Variants in INHBA observed in about 807,000 individuals in gnomAD.
INHBA encodes the protein inhibin beta A chain.
In INHBA, 1 loss-of-function variant was observed where a neutral mutation model predicts 29.0. That is an observed-to-expected ratio of 0.03 (90% CI 0.01 to 0.16). The LOEUF (loss-of-function observed/expected upper bound fraction) is 0.16. INHBA is among the 10% of genes least tolerant of loss of function. The pLI is 1.00. For missense variants in INHBA, 376 were observed against 545.4 expected (o/e 0.69, Z 3.09); for synonymous variants, 242 against 216.8 (o/e 1.12, Z -1.02).
chr7:41,689,586 T>C lies in INHBA; in HGVS notation c.*64A>G. 7.9e-7 allele frequency: 1 copy of C among 1,264,570 alleles called. No individual in the cohort carries two copies. The highest frequency in any genetic ancestry group is 1.0e-6 in the Non-Finnish European group (1 of 971,302). 78.3% of individuals were successfully genotyped at this position (1,264,570 alleles called of 1,614,324 possible). On this transcript the variant is annotated 3_prime_UTR_variant, in exon 3 of 3. Transcript: ENST00000242208. ...GGTTAACTCAGAAACCTTAAAAATT[T>C]CTTCATTTTGCCACTGTCTTCTCTG...
upstream of INHBA, among the ~76,000 whole-genome samples, chr7:41,704,417 T>TTCTATA (rs1349566329): frequency 5.3e-4 from 81 of 152,086 alleles, no homozygotes; most frequent in Non-Finnish European, 9.1e-4. Flanking sequence ...GAAATAGGAT[T>TTCTATA]AATGATGGTG....
Position 41,700,121 on chromosome 7 carries a change from T to C in INHBA, c.254A>G (p.Asn85Ser), listed in dbSNP as rs779371975. ...TQPVPKAALL[N>S]AIRKLHVGKV... ...GCCCACATGAAGCTTTCTGATCGCG[T>C]TCAGAAGCGCCGCCTTGGGTACCGG... is the stretch of plus-strand genomic sequence containing the variant. Residue 85 changes from asparagine (N) to serine (S), a missense_variant, in exon 2 of 3, where the codon AAC becomes AGC. Physicochemically the swap from Asn to Ser is conservative, Grantham distance 46. Transcript: ENST00000242208. 4 of 1,614,072 alleles carry C rather than the reference T, an allele frequency of 2.5e-6. No homozygotes were observed. In the East Asian group the frequency reaches 8.9e-5, roughly 36 times the overall value.
At chr7:41,702,327 C>T (rs1266595267) in intron 1 of INHBA, among the ~76,000 whole-genome samples, 1 of 152,158 alleles carries the variant, frequency 6.6e-6, no homozygotes, top group African/African-American at 2.4e-5. Flanking sequence ...TTTTCCAAAA[C>T]AACTATTTGT....
chr7:41,690,127 T>C lies in INHBA; in HGVS notation c.804A>G (p.Glu268=), dbSNP rs773029076. 4 of 1,613,438 alleles carry C rather than the reference T, an allele frequency of 2.5e-6. No homozygotes were observed. In the East Asian group the frequency reaches 8.9e-5, roughly 36 times the overall value. Reference sequence around the variant, plus strand: ...CTTCACCTCCGCCCTTCTTTTTCCCTTCCCCCTCCTCTTCTTTCTTCTTCT... The same window carrying C: ...CTTCACCTCCGCCCTTCTTTTTCCCCTCCCCCTCCTCTTCTTTCTTCTTCT... ...GKKKKKEEEG[E]GKKKGGGEGG... The change falls in exon 3 of 3, where the codon GAA becomes GAG. Residue 268 remains glutamate (E), a synonymous_variant. Coordinates refer to ENST00000242208, the MANE Select transcript of INHBA (RefSeq NM_002192.4).
rs1355321996 is a variant in INHBA, at chr7:41,685,489, A to G, written c.*4161T>C. The G allele has an allele frequency of 6.6e-6, 1 of 152,138 alleles. No homozygotes were observed. The highest frequency in any genetic ancestry group is 1.9e-4 in the East Asian group (1 of 5,196). 9.4% of individuals were successfully genotyped at this position (152,138 alleles called of 1,614,324 possible). ...AACAAAACAAAAAACAAAGTAAAAA[A>G]CCAACAAAATAGAAACAAACAAACA... On this transcript the variant is annotated 3_prime_UTR_variant, in exon 3 of 3. Transcript: ENST00000242208.
Position 41,687,850 on chromosome 7 carries a change from T to C in INHBA, c.*1800A>G, listed in dbSNP as rs1387100641. The C allele has an allele frequency of 6.6e-6, 1 of 152,228 alleles. No homozygotes were observed. The highest frequency in any genetic ancestry group is 2.4e-5 in the African/African-American group (1 of 41,466). 9.4% of individuals were successfully genotyped at this position (152,228 alleles called of 1,614,324 possible). On this transcript the variant is annotated 3_prime_UTR_variant, in exon 3 of 3. Coordinates refer to ENST00000242208, the MANE Select transcript of INHBA (RefSeq NM_002192.4). ...TAAATATTATTTTTCTGAAAAAGCT[T>C]CTGATTTAAGATTGATTCCAATAGA...
At chr7:41,699,354 T>A (rs1207371596) in intron 2 of INHBA, among the ~76,000 whole-genome samples, 1 of 152,172 alleles carries the variant, frequency 6.6e-6, no homozygotes, top group Non-Finnish European at 1.5e-5. Flanking sequence ...CAATGACAAC[T>A]GTCCCCCAAA....
Position 41,700,299 on chromosome 7 carries a change from A to T in INHBA, c.76T>A (p.Ser26Thr). The T allele has an allele frequency of 6.3e-7, 1 of 1,579,582 alleles. No individual in the cohort carries two copies. The highest frequency in any genetic ancestry group is 8.6e-7 in the Non-Finnish European group (1 of 1,161,042). ...TCGGGGGCCGCGCTGTGCCCCTCGG[A>T]TCCTGGGGTGGGGGAACTCCTCACT... ...IIVRSSPTPG[S>T]EGHSAAPDCP... Residue 26 changes from serine (S) to threonine (T), a missense_variant, in exon 2 of 3, where the codon TCC becomes ACC. Physicochemically the swap from Ser to Thr is moderately conservative, Grantham distance 58. Around this residue, in one of 4 missense-constraint regions of INHBA, gnomAD observed 71 missense variants for 77.0 expected, o/e 0.92. Coordinates refer to ENST00000242208, the MANE Select transcript of INHBA (RefSeq NM_002192.4).
chr7:41,703,461 G>A (rs1794840992), upstream of INHBA, among the ~76,000 whole-genome samples: 1 of 152,080 alleles, frequency 6.6e-6, no homozygotes, highest in Non-Finnish European at 1.5e-5. Context: ...GTTACTTCAT[G>A]AAGTTGCTTC....
chr7:41,695,752 C>T (rs902788329), intron 2 of INHBA, among the ~76,000 whole-genome samples: 3 of 152,150 alleles, frequency 2.0e-5, no homozygotes, highest in African/African-American at 4.8e-5. Context: ...GTTTAACCCA[C>T]AAAATTTCAG....
chr7:41,689,758 A>G lies in INHBA; in HGVS notation c.1173T>C (p.Cys391=), dbSNP rs1459468970. Residue 391 remains cysteine, a synonymous_variant, in exon 3 of 3, where the codon TGT becomes TGC. Transcript: ENST00000242208. ...ACATGGGTCTCAGCTTGGTGGGCAC[A>G]CAGCACGATTTGAGGTTGGCAAAGG... is the stretch of plus-strand genomic sequence containing the variant. The part of the protein sequence containing the change: ...HSPFANLKSC[C]VPTKLRPMSM... 1.2e-6 allele frequency: 2 copies of G among 1,614,056 alleles called. No individual in the cohort carries two copies. Among genetic ancestry groups the G allele is most frequent in the East Asian group, 2.2e-5 (1 of 44,846 alleles).
At chr7:41,701,266 GGCCAC>G (rs1242356918) in intron 1 of INHBA, among the ~76,000 whole-genome samples, 1 of 152,046 alleles carries the variant, frequency 6.6e-6, no homozygotes, top group Non-Finnish European at 1.5e-5. Flanking sequence ...ACGCCCACCT[GGCCAC>G]GTGGTGGGGC....
intron 1 of INHBA, among the ~76,000 whole-genome samples, chr7:41,702,073 C>T (rs1055276841): frequency 4.6e-5 from 7 of 152,146 alleles, no homozygotes; most frequent in African/African-American, 1.4e-4. Flanking sequence ...CCTTCCCTCT[C>T]GGTTTCTTTC....
At chr7:41,694,097 TACAA>T (rs1794582891) in intron 2 of INHBA, 2 of 152,242 alleles carry the variant, frequency 1.3e-5, no homozygotes, top group South Asian at 4.1e-4. Context: ...AGGTACATTT[TACAA>T]GTTCTATTGT....
At chr7:41,694,220 CA>C (rs1219614061) in intron 2 of INHBA, 1 of 152,122 alleles carries the variant, frequency 6.6e-6, no homozygotes, top group African/African-American at 2.4e-5. Context: ...TGATGTTTAT[CA>C]GGGCTGTAGG....
At chr7:41,695,558 C>T (rs190470613) in intron 2 of INHBA, among the ~76,000 whole-genome samples, 1 of 152,268 alleles carries the variant, frequency 6.6e-6, no homozygotes, top group Non-Finnish European at 1.5e-5. Flanking sequence ...ATAGGTTTGG[C>T]CATAAATTAT....
upstream of INHBA, among the ~76,000 whole-genome samples, chr7:41,703,820 G>A (rs1193083486): frequency 2.0e-5 from 3 of 151,354 alleles, no homozygotes; most frequent in African/African-American, 7.3e-5. Context: ...AAACCCTCAT[G>A]CATCATTCTT....
upstream of INHBA, among the ~76,000 whole-genome samples, chr7:41,704,916 G>C (rs1182201093): frequency 6.6e-6 from 1 of 152,090 alleles, no homozygotes; most frequent in Non-Finnish European, 1.5e-5. Flanking sequence ...ACACAAGTGT[G>C]ACTCTGAAAC....
At position 41,689,625 on chromosome 7, in the gene INHBA, C is replaced by G. The variant is rs765335292; in HGVS notation, c.*25G>C. The G allele has an allele frequency of 5.9e-6, 9 of 1,512,674 alleles. No homozygotes were observed. The highest frequency in any genetic ancestry group is 4.4e-6 in the Non-Finnish European group (5 of 1,133,578). 93.7% of individuals were successfully genotyped at this position (1,512,674 alleles called of 1,614,324 possible). On this transcript the variant is annotated 3_prime_UTR_variant, in exon 3 of 3. Coordinates refer to ENST00000242208, the MANE Select transcript of INHBA (RefSeq NM_002192.4). ...CTGTCTTCTCTGGACAACTCTTGCT[C>G]CCTTTCCCCCTGGGCTGGGCAACTC...
Sources: allele counts gnomAD v4.1 joint callset (sites outside exome capture counted in the v4.1 genomes callset), GRCh38; gene constraint gnomAD v4.1.1; regional missense constraint gnomAD v4.1.1; transcripts MANE v1.5; gene names NCBI Gene and HGNC (gene_info 2026-07-23, HGNC 2026-07-21).